Variants in MAP4K5 observed in about 807,000 individuals in gnomAD.
The protein encoded by MAP4K5 is MAPK/ERK kinase kinase kinase 5.
In MAP4K5, 82 loss-of-function variants were observed where a neutral mutation model predicts 135.6. That is an observed-to-expected ratio of 0.60 (90% CI 0.51 to 0.73). The LOEUF is 0.73. Ranked by LOEUF, MAP4K5 falls within the 30% of genes least tolerant of loss-of-function variation. The probability of loss-of-function intolerance (pLI) is 0.00; values close to 1 mark genes in which losing one functional copy is unlikely to be tolerated. For synonymous variants in MAP4K5, 347 were observed against 335.0 expected, an observed-to-expected ratio of 1.04 and a Z score of -0.39; for missense variants, 907 against 1,010.9, an observed-to-expected ratio of 0.90 and a Z score of 1.39.
At chr14:50,453,142 A>G (rs2036527949) in intron 14 of MAP4K5, among the ~76,000 whole-genome samples, 1 of 152,034 alleles carries the variant, frequency 6.6e-6, no homozygotes. Context: ...CTAAAACTAT[A>G]CAATTAAACT....
intron 2 of MAP4K5, among the ~76,000 whole-genome samples, chr14:50,530,144 T>C (rs1479372072): frequency 6.6e-6 from 1 of 152,112 alleles, no homozygotes; most frequent in Non-Finnish European, 1.5e-5. Context: ...GGAAGCAACA[T>C]TGTGAGGGTA....
chr14:50,467,792 T>C (rs1436392274), intron 10 of MAP4K5, among the ~76,000 whole-genome samples: 5 of 152,130 alleles, frequency 3.3e-5, no homozygotes, highest in South Asian at 4.1e-4. Context: ...TCTTTTAATA[T>C]ATATTATCTT....
At chr14:50,453,470 G>T (rs1170247173) in intron 14 of MAP4K5, among the ~76,000 whole-genome samples, 1 of 152,040 alleles carries the variant, frequency 6.6e-6, no homozygotes, top group African/African-American at 2.4e-5. Flanking sequence ...GACCCCCTCT[G>T]AGTTATTCTG....
intron 28 of MAP4K5, among the ~76,000 whole-genome samples, chr14:50,430,243 C>T (rs1234013171): frequency 6.6e-6 from 1 of 152,104 alleles, no homozygotes; most frequent in Non-Finnish European, 1.5e-5. Flanking sequence ...TCTAGGTTAC[C>T]TTTCATTCTC....
intron 6 of MAP4K5, among the ~76,000 whole-genome samples, chr14:50,478,355 A>T (rs2037154304): frequency 6.6e-6 from 1 of 151,978 alleles, no homozygotes; most frequent in Non-Finnish European, 1.5e-5. Context: ...AAAGAATCAG[A>T]TTTTTATTTC....
chr14:50,533,720 CATCCAA>C (rs2038454157), upstream of MAP4K5, among the ~76,000 whole-genome samples: 1 of 152,152 alleles, frequency 6.6e-6, no homozygotes. Context: ...TGGCTTTGAA[CATCCAA>C]TTTTTAATTC....
chr14:50,536,107 C>G (rs2038488425), upstream of MAP4K5, among the ~76,000 whole-genome samples: 1 of 152,118 alleles, frequency 6.6e-6, no homozygotes, highest in Non-Finnish European at 1.5e-5. Context: ...GTAGATTGCC[C>G]GGTCTCAGGT....
intron 6 of MAP4K5, among the ~76,000 whole-genome samples, chr14:50,479,655 T>C (rs2037193438): frequency 6.6e-6 from 1 of 152,202 alleles, no homozygotes; most frequent in African/African-American, 2.4e-5. Flanking sequence ...AATTCTGGCA[T>C]CTGTCAGTGT....
At chr14:50,560,794 C>CGGCGCGCTGGAACAATGAGGCGG (rs2038832721) in intron 1 of MAP4K5, among the ~76,000 whole-genome samples, 1 of 152,164 alleles carries the variant, frequency 6.6e-6, no homozygotes, top group Non-Finnish European at 1.5e-5. Context: ...GGGCGGCGGG[C>CGGCGCGCTGGAACAATGAGGCGG]GGCGCGCTGG....
intron 1 of MAP4K5, among the ~76,000 whole-genome samples, chr14:50,550,943 T>G (rs776441579): frequency 1.3e-5 from 2 of 151,550 alleles, no homozygotes; most frequent in Non-Finnish European, 2.9e-5. Flanking sequence ...CATCAAAAAG[T>G]CTGAAAGAGC....
Position 50,443,977 on chromosome 14 carries a change from G to C in MAP4K5, c.1399C>G (p.Pro467Ala), listed in dbSNP as rs943019986. The change falls in exon 19 of 33, where the codon CCA (proline) becomes GCA (alanine). Residue 467 changes from proline to alanine, a missense_variant. Pro to Ala is a conservative substitution (Grantham distance 27, BLOSUM62 -1). Transcript: ENST00000682126. ...TTGTCCTTTTTTCGTGGTAACTGTG[G>C]TGCTTGTGCTGATCCTTCTGTATTT... ...SENTEGSAQA[P>A]QLPRKKDKRD... 8 of 1,609,424 alleles carry C rather than the reference G, an allele frequency of 5.0e-6. No homozygotes were observed. Among genetic ancestry groups the C allele is most frequent in the Middle Eastern group, 1.7e-4 (1 of 6,054 alleles).
intron 31 of MAP4K5, among the ~76,000 whole-genome samples, chr14:50,424,971 T>G (rs2035814564): frequency 6.6e-6 from 1 of 152,176 alleles, no homozygotes; most frequent in Admixed American, 6.5e-5. Context: ...TGTCATTTCC[T>G]CCTGGAAGCA....
intron 2 of MAP4K5, among the ~76,000 whole-genome samples, chr14:50,505,806 C>T (rs976058958): frequency 6.6e-6 from 1 of 152,158 alleles, no homozygotes; most frequent in African/African-American, 2.4e-5. Context: ...ATAACATAGT[C>T]CATATAATAA....
intron 28 of MAP4K5, among the ~76,000 whole-genome samples, chr14:50,430,463 C>G (rs552795367): frequency 4.7e-4 from 72 of 152,168 alleles, no homozygotes; most frequent in Non-Finnish European, 9.8e-4. Flanking sequence ...CAGACGCATT[C>G]ATTGTATGAC....
intron 2 of MAP4K5, among the ~76,000 whole-genome samples, chr14:50,508,261 T>C (rs561754247): frequency 7.2e-5 from 11 of 152,190 alleles, no homozygotes; most frequent in Admixed American, 2.6e-4. Context: ...TAAAGACACA[T>C]GCACACATAT....
At chr14:50,438,403 G>T (rs2139686306) in intron 23 of MAP4K5, 1 of 167,364 alleles carries the variant, frequency 6.0e-6, no homozygotes, top group East Asian at 1.8e-4. Flanking sequence ...TTATTTCTCT[G>T]GGACAGACCT....
At chr14:50,518,583 G>C (rs768713645) in intron 2 of MAP4K5, among the ~76,000 whole-genome samples, 1 of 152,172 alleles carries the variant, frequency 6.6e-6, no homozygotes, top group Non-Finnish European at 1.5e-5. Context: ...CTATCCCATG[G>C]AAGGAGGCTA....
At chr14:50,477,934 G>A (rs756074233) in intron 6 of MAP4K5, among the ~76,000 whole-genome samples, 7 of 152,060 alleles carry the variant, frequency 4.6e-5, no homozygotes, top group Non-Finnish European at 1.0e-4. Context: ...TTGTAAGATT[G>A]TTGTCTAATT....
chr14:50,454,714 C>G (rs909816051), intron 14 of MAP4K5, among the ~76,000 whole-genome samples: 17 of 151,934 alleles, frequency 1.1e-4, no homozygotes, highest in African/African-American at 3.9e-4. Context: ...TCTGAAGAAG[C>G]CTATTTTGAT....
Sources: gnomAD v4.1 joint callset for allele counts (sites outside exome capture counted in the v4.1 genomes callset) on GRCh38, gnomAD v4.1.1 for gene constraint, MANE v1.5 for transcripts, NCBI Gene and HGNC (gene_info 2026-07-23, HGNC 2026-07-21) for gene names.